Variants in GIMD1 observed in about 807,000 individuals in gnomAD.
The protein encoded by GIMD1 is GIMAP family P-loop NTPase domain containing 1.
GIMD1 carries 14 observed loss-of-function variants against 14.9 expected under a neutral mutation model. The ratio of observed to expected loss-of-function variants is 0.94; its 90% confidence interval spans 0.62 to 1.47. GIMD1 has a LOEUF of 1.47. Ranked by LOEUF, GIMD1 falls within the 40% of genes most tolerant of loss-of-function variation. The pLI, the probability that GIMD1 is intolerant of heterozygous loss-of-function variation, is 0.00. For synonymous variants in GIMD1, 91 were observed against 90.5 expected (o/e 1.01, Z -0.03); for missense variants, 272 against 255.3 (o/e 1.07, Z -0.44).
rs1491259241 is a variant in GIMD1 at position 106,366,960 on chromosome 4, T to TAATAATAA, written c.393+82_393+83insTTATTATT. Reference sequence around the variant, plus strand: ...TACTAATAGTATAATAATAATAATATTATTATTATTATTATTATACTATTA... The same window carrying TAATAATAA: ...TACTAATAGTATAATAATAATAATATAATAATAATATTATTATTATTATTATACTATTA... On this transcript the variant is annotated intron_variant, in intron 2 of 2. Transcript: ENST00000638719. 1,025 of 258,834 alleles carry TAATAATAA rather than the reference T, an allele frequency of 4.0e-3. 8 individuals carry two copies. Among genetic ancestry groups the TAATAATAA allele is most frequent in the African/African-American group, 0.022 (941 of 42,940 alleles). 16.0% of individuals were successfully genotyped at this position (258,834 alleles called of 1,614,324 possible).
chr4:106,368,493 A>G (rs1270977877), intron 1 of GIMD1, among the ~76,000 whole-genome samples: 2 of 152,098 alleles, frequency 1.3e-5, no homozygotes, highest in East Asian at 3.9e-4. Context: ...ACTCCATTAT[A>G]CCCACACGCT....
intron 2 of GIMD1, among the ~76,000 whole-genome samples, chr4:106,362,030 A>G (rs1452754535): frequency 6.6e-6 from 1 of 152,070 alleles, no homozygotes; most frequent in Non-Finnish European, 1.5e-5. Context: ...GACATTTCCC[A>G]TACTTTAAAC....
chr4:106,361,800 C>T (rs1770616958), intron 2 of GIMD1, among the ~76,000 whole-genome samples: 1 of 151,922 alleles, frequency 6.6e-6, no homozygotes. Flanking sequence ...GTATTTGCCT[C>T]CTTAAATATT....
At chr4:106,362,331 C>T (rs749177268) in intron 2 of GIMD1, among the ~76,000 whole-genome samples, 12 of 152,088 alleles carry the variant, frequency 7.9e-5, no homozygotes, top group Non-Finnish European at 1.5e-4. Flanking sequence ...AGTGGCCAAA[C>T]ATGTTCTCTA....
intron 2 of GIMD1, among the ~76,000 whole-genome samples, chr4:106,364,128 C>T (rs1273999634): frequency 2.0e-5 from 3 of 151,894 alleles, no homozygotes; most frequent in African/African-American, 7.3e-5. Flanking sequence ...TTAATAAAGG[C>T]CTAACAAAAA....
chr4:106,361,915 C>G (rs1437964418), intron 2 of GIMD1, among the ~76,000 whole-genome samples: 1 of 152,104 alleles, frequency 6.6e-6, no homozygotes, highest in Non-Finnish European at 1.5e-5. Flanking sequence ...TATTTTCTTT[C>G]TAGGTTAGTA....
chr4:106,363,897 C>T (rs55818589), intron 2 of GIMD1, among the ~76,000 whole-genome samples: 2 of 60,946 alleles, frequency 3.3e-5, no homozygotes, highest in African/African-American at 1.1e-4. Context: ...GGGGGGGGGG[C>T]GGAAATGGAC....
chr4:106,357,826 C>T lies in GIMD1; in HGVS notation c.*357G>A. On this transcript the variant is annotated 3_prime_UTR_variant, in exon 3 of 3. Transcript: ENST00000638719. ...CTAATATCCCACTGTGGGAATATAC[C>T]ACAATTTACTTAACCATTCTAATAT... 6.2e-6 allele frequency: 1 copy of T among 160,866 alleles called. No homozygotes were observed. Among genetic ancestry groups the T allele is most frequent in the Non-Finnish European group, 1.4e-5 (1 of 73,500 alleles). 10.0% of individuals were successfully genotyped at this position (160,866 alleles called of 1,614,324 possible).
intron 1 of GIMD1, 134 bp downstream of exon 1, chr4:106,368,576 C>T (rs1770742695): frequency 2.6e-6 from 1 of 391,626 alleles, no homozygotes; most frequent in African/African-American, 2.1e-5. Flanking sequence ...CCAGTTCACA[C>T]CAGCTCTCCC....
intron 1 of GIMD1, 26 bp from the exon 2 acceptor site, chr4:106,367,463 G>T: frequency 2.7e-6 from 4 of 1,486,764 alleles, no homozygotes; most frequent in Non-Finnish European, 3.6e-6. Flanking sequence ...GGCATAGCAC[G>T]CATAATTAGG....
In GIMD1 at chr4:106,357,637, T is replaced by C. The variant is rs1770549051; in HGVS notation, c.*546A>G. 1 of 152,122 alleles carries C rather than the reference T, an allele frequency of 6.6e-6. No homozygotes were observed. Among genetic ancestry groups the C allele is most frequent in the South Asian group, 2.1e-4 (1 of 4,830 alleles). 9.4% of individuals were successfully genotyped at this position (152,122 alleles called of 1,614,324 possible). ...CTCCCAATTTCCAGCACTTCTACCA[T>C]CAGAGTAGTTTAGATTACATTTGTT... On this transcript the variant is annotated 3_prime_UTR_variant, in exon 3 of 3. Transcript: ENST00000638719.
At chr4:106,365,383 AT>A (rs1770681792) in intron 2 of GIMD1, among the ~76,000 whole-genome samples, 1 of 139,408 alleles carries the variant, frequency 7.2e-6, no homozygotes, top group African/African-American at 2.7e-5. Flanking sequence ...GATTATACAT[AT>A]GGCTGGGTTT....
chr4:106,368,454 C>CAGGTCCTT (rs1770740856), intron 1 of GIMD1, among the ~76,000 whole-genome samples: 1 of 152,150 alleles, frequency 6.6e-6, no homozygotes, highest in Non-Finnish European at 1.5e-5. Flanking sequence ...TTAAGTACCG[C>CAGGTCCTT]AGGTCCTTCT....
At chr4:106,361,947 A>T (rs77372970) in intron 2 of GIMD1, among the ~76,000 whole-genome samples, 19,632 of 152,128 alleles carry the variant, frequency 0.13, 1,595 homozygotes, top group South Asian at 0.24. Flanking sequence ...AAATGGTTTA[A>T]CTTTCATAGT....
chr4:106,365,823 A>G (rs1770690859), intron 2 of GIMD1, among the ~76,000 whole-genome samples: 1 of 141,032 alleles, frequency 7.1e-6, no homozygotes, highest in African/African-American at 2.5e-5. Flanking sequence ...ATTGTTAGTA[A>G]TAGTCTATAC....
At chr4:106,363,402 C>T (rs1257003306) in intron 2 of GIMD1, among the ~76,000 whole-genome samples, 1 of 152,040 alleles carries the variant, frequency 6.6e-6, no homozygotes, top group Non-Finnish European at 1.5e-5. Flanking sequence ...TACTTTAGAA[C>T]CCATCTCGTA....
At chr4:106,360,932 T>G (rs907514916) in intron 2 of GIMD1, among the ~76,000 whole-genome samples, 1 of 152,038 alleles carries the variant, frequency 6.6e-6, no homozygotes, top group African/African-American at 2.4e-5. Context: ...TGTGGTACTT[T>G]GTTACAGGAG....
At chr4:106,367,664 T>G (rs1046314203) in intron 1 of GIMD1, among the ~76,000 whole-genome samples, 2 of 152,012 alleles carry the variant, frequency 1.3e-5, no homozygotes, top group African/African-American at 2.4e-5. Flanking sequence ...GAGAGAGAAG[T>G]CAAATACAGA....
intron 2 of GIMD1, among the ~76,000 whole-genome samples, chr4:106,361,477 A>C (rs890840270): frequency 6.6e-6 from 1 of 152,064 alleles, no homozygotes; most frequent in African/African-American, 2.4e-5. Context: ...AAGGTAATTA[A>C]TGTAATCAAG....
Sources: allele counts gnomAD v4.1 joint callset (sites outside exome capture counted in the v4.1 genomes callset), GRCh38; gene constraint gnomAD v4.1.1; transcripts MANE v1.5; gene names NCBI Gene and HGNC (gene_info 2026-07-23, HGNC 2026-07-21).